The following RNF220 variants were observed in gnomAD, a reference collection of about 807,000 sequenced individuals.
RNF220 encodes ring finger protein 220.
RNF220 carries 7 observed loss-of-function variants against 67.1 expected under a neutral mutation model. The ratio of observed to expected loss-of-function variants is 0.10; its 90% CI spans 0.06 to 0.20. The LOEUF (loss-of-function observed/expected upper bound fraction) is 0.20, where lower values mean the gene tolerates loss of function less well. Among genes scored for constraint, RNF220 ranks in the 10% least tolerant of loss-of-function variants. The pLI, the probability that RNF220 is intolerant of heterozygous loss-of-function variation, is 1.00. For missense variants in RNF220, 565 were observed against 740.3 expected, an observed-to-expected ratio of 0.76 and a Z score of 2.75; for synonymous variants, 270 against 283.2, an observed-to-expected ratio of 0.95 and a Z score of 0.47.
At chr1:44,443,113 A>G (rs987277753) in intron 2 of RNF220, among the ~76,000 whole-genome samples, 1 of 152,102 alleles carries the variant, frequency 6.6e-6, no homozygotes, top group Non-Finnish European at 1.5e-5. Context: ...GCTGAGCTTC[A>G]CTCATGTGTA....
Position 44,571,711 on chromosome 1 carries a change from C to T in RNF220, c.626-42454C>T, listed in dbSNP as rs572011591. 2.6e-4 allele frequency among the ~76,000 whole-genome samples: 40 copies of T among 152,336 alleles called. No homozygotes were observed. The South Asian group carries it at 8.3e-3, about 32-fold the overall frequency. On this transcript the variant is annotated intron_variant, in intron 2 of 14. Coordinates refer to ENST00000361799, the MANE Select transcript of RNF220 (RefSeq NM_018150.4). ...TCTTAACTTCAATCCAAATCAATCT[C>T]CTGAGCTTCCAACTCACTTTCCAGC...
At chr1:44,430,240 C>T (rs12091563) in intron 2 of RNF220, among the ~76,000 whole-genome samples, 11,191 of 151,892 alleles carry the variant, frequency 0.074, 568 homozygotes, top group African/African-American at 0.15. Context: ...TGCTCTTCTG[C>T]GGTATTTGAA....
At chr1:44,526,436 C>CA (rs1382490520) in intron 2 of RNF220, among the ~76,000 whole-genome samples, 1 of 152,190 alleles carries the variant, frequency 6.6e-6, no homozygotes, top group African/African-American at 2.4e-5. Context: ...ACCTTGGCCT[C>CA]ACCCTGGAGG....
At chr1:44,615,888 G>A (rs1643524838) in intron 3 of RNF220, among the ~76,000 whole-genome samples, 1 of 152,206 alleles carries the variant, frequency 6.6e-6, no homozygotes, top group African/African-American at 2.4e-5. Flanking sequence ...CAGCTTAGCT[G>A]GATGGTTGTG....
In RNF220 at chr1:44,621,108, G is replaced by C. The variant is rs563724113; in HGVS notation, c.759-1634G>C. Among the ~76,000 whole-genome samples, 111 of 152,198 alleles carry C rather than the reference G, an allele frequency of 7.3e-4. No homozygotes were observed. Among genetic ancestry groups the C allele is most frequent in the African/African-American group, 2.6e-3 (109 of 41,528 alleles). On this transcript the variant is annotated intron_variant, in intron 3 of 14. Coordinates refer to ENST00000361799, the MANE Select transcript of RNF220 (RefSeq NM_018150.4). The surrounding 1 kb of genome is among the most constrained non-coding windows in gnomAD (Gnocchi z 4.8). Reference sequence around the variant, plus strand: ...TTTTTGTATTTTTAGTAGAGACGGGGTTTCACCATGTTGGCCAGGCTGGTC... The same window carrying C: ...TTTTTGTATTTTTAGTAGAGACGGGCTTTCACCATGTTGGCCAGGCTGGTC...
Position 44,626,357 on chromosome 1 carries a change from T to C in RNF220, c.865T>C (p.Ser289Pro), listed in dbSNP as rs778656863. Residue 289 changes from serine (S) to proline (P), a missense_variant, in exon 5 of 15, where the codon TCA becomes CCA. Ser to Pro is a moderately conservative substitution (Grantham distance 74). Transcript: ENST00000361799. Reference sequence around the variant, plus strand: ...AGAGTCTCCAACGGCATCACCCCACTCATCTGCCACCGATGACCTCCACCA... The same window carrying C: ...AGAGTCTCCAACGGCATCACCCCACCCATCTGCCACCGATGACCTCCACCA... ...EGESPTASPH[S>P]SATDDLHHSD... The C allele has an allele frequency of 2.5e-6, 4 of 1,613,864 alleles. No individual in the cohort carries two copies. Among genetic ancestry groups the C allele is most frequent in the Non-Finnish European group, 3.4e-6 (4 of 1,179,944 alleles).
At chr1:44,618,400 G>A (rs1479081986) in intron 3 of RNF220, among the ~76,000 whole-genome samples, 1 of 152,200 alleles carries the variant, frequency 6.6e-6, no homozygotes, top group African/African-American at 2.4e-5. Context: ...GACACTTACA[G>A]GAAGAGCAAT....
rs200860026 is a variant in RNF220, at chr1:44,412,642, C to T, written c.545C>T (p.Thr182Ile). 1.6e-5 allele frequency: 26 copies of T among 1,614,072 alleles called. No homozygotes were observed. Among genetic ancestry groups the T allele is most frequent in the Admixed American group, 1.7e-5 (1 of 60,012 alleles). Residue 182 changes from threonine (T) to isoleucine (I), a missense_variant, in exon 2 of 15, where the codon ACT (threonine) becomes ATT (isoleucine). Physicochemically the swap from Thr to Ile is moderately conservative, Grantham distance 89. Transcript: ENST00000361799. This position sits in a 1 kb window ranked among gnomAD's most constrained non-coding sequence, Gnocchi z 5.3. ...SSPGSLKVDD[T>I]GKKIFAVSGL... Reference sequence around the variant, plus strand: ...CCCGGTTCACTAAAGGTTGATGACACTGGGAAGAAGATTTTTGCTGTCTCT... The same window carrying T: ...CCCGGTTCACTAAAGGTTGATGACATTGGGAAGAAGATTTTTGCTGTCTCT...
chr1:44,445,804 C>T (rs756755494), intron 2 of RNF220, among the ~76,000 whole-genome samples: 8 of 152,190 alleles, frequency 5.3e-5, no homozygotes, highest in Non-Finnish European at 1.0e-4. Context: ...GGTTAATATG[C>T]CTGCCTCTTC....
chr1:44,479,201 C>T (rs1192703264), intron 2 of RNF220, among the ~76,000 whole-genome samples: 3 of 151,658 alleles, frequency 2.0e-5, no homozygotes, highest in Non-Finnish European at 2.9e-5. Flanking sequence ...CTGCAACCTC[C>T]GCCTCCCGGG....
chr1:44,431,699 G>A (rs943668151), intron 2 of RNF220, among the ~76,000 whole-genome samples: 4 of 151,766 alleles, frequency 2.6e-5, no homozygotes, highest in Admixed American at 6.6e-5. Flanking sequence ...TACATCCCTG[G>A]CCATCTTCTG....
chr1:44,425,325 G>A (rs576428837), intron 2 of RNF220, among the ~76,000 whole-genome samples: 1 of 152,146 alleles, frequency 6.6e-6, no homozygotes, highest in African/African-American at 2.4e-5. Context: ...CTCTCCCATG[G>A]GCCCATGTCT....
intron 2 of RNF220, among the ~76,000 whole-genome samples, chr1:44,528,946 A>G (rs760459114): frequency 1.5e-4 from 23 of 152,358 alleles, no homozygotes; most frequent in Middle Eastern, 3.4e-3. Context: ...ATAAAGTTCA[A>G]TGCTAATAAG....
At chr1:44,586,706 A>C (rs1665724299) in intron 2 of RNF220, among the ~76,000 whole-genome samples, 1 of 152,228 alleles carries the variant, frequency 6.6e-6, no homozygotes, top group South Asian at 2.1e-4. Flanking sequence ...AACGTAGAAG[A>C]CAGAGGAGAA....
intron 2 of RNF220, among the ~76,000 whole-genome samples, chr1:44,601,609 G>A (rs1032531676): frequency 6.6e-6 from 1 of 152,146 alleles, no homozygotes; most frequent in African/African-American, 2.4e-5. Flanking sequence ...GGAGGTGAGA[G>A]TAGATCCACA....
chr1:44,622,174 C>A lies in RNF220; in HGVS notation c.759-568C>A, dbSNP rs1393148623. On this transcript the variant is annotated intron_variant, in intron 3 of 14. Coordinates refer to ENST00000361799, the MANE Select transcript of RNF220 (RefSeq NM_018150.4). The surrounding 1 kb of genome is among the most constrained non-coding windows in gnomAD (Gnocchi z 4.3). ...CCCACAGCCCATCCATCACCTCCCA[C>A]CCCAGCCCCCGCCTGCTCTGAGCCG... Among the ~76,000 whole-genome samples the A allele has an allele frequency of 6.6e-6, 1 of 152,196 alleles. No homozygotes were observed. Among genetic ancestry groups the A allele is most frequent in the African/African-American group, 2.4e-5 (1 of 41,452 alleles).
chr1:44,405,995 G>T (rs945887640), intron 1 of RNF220, among the ~76,000 whole-genome samples: 1 of 152,172 alleles, frequency 6.6e-6, no homozygotes, highest in Admixed American at 6.5e-5. Flanking sequence ...GTGATTTCCG[G>T]GCTCCCCTAT....
intron 2 of RNF220, among the ~76,000 whole-genome samples, chr1:44,421,690 G>A (rs11210996): frequency 0.14 from 21,680 of 151,578 alleles, 1,834 homozygotes; most frequent in East Asian, 0.35. Context: ...AGTAAAAGAG[G>A]GCTGTCCATT....
At chr1:44,426,639 A>G (rs1649802841) in intron 2 of RNF220, among the ~76,000 whole-genome samples, 1 of 151,442 alleles carries the variant, frequency 6.6e-6, no homozygotes. Context: ...AGGCAGGAGA[A>G]TTGCTTGAAC....
Sources: allele counts gnomAD v4.1 joint callset (sites outside exome capture counted in the v4.1 genomes callset), GRCh38; gene constraint gnomAD v4.1.1; non-coding constraint Gnocchi (gnomAD v3.1); transcripts MANE v1.5; gene names NCBI Gene and HGNC (gene_info 2026-07-23, HGNC 2026-07-21).